CSNK1G3: variants seen among roughly 807,000 people sequenced by gnomAD.
The protein encoded by CSNK1G3 is casein kinase I isoform gamma-3.
Under a neutral mutation model 64.3 loss-of-function variants are expected in CSNK1G3, and 23 were observed. The observed-to-expected ratio is 0.36, with a 90% CI of 0.26 to 0.51. The LOEUF (loss-of-function observed/expected upper bound fraction) is 0.51. Among genes scored for constraint, CSNK1G3 ranks in the 20% least tolerant of loss-of-function variants. CSNK1G3 has a pLI of 0.96. For synonymous variants in CSNK1G3, 158 were observed against 162.2 expected, an observed-to-expected ratio of 0.97 and a Z score of 0.20; for missense variants, 357 against 510.5, an observed-to-expected ratio of 0.70 and a Z score of 2.90.
At chr5:123,616,513 G>C (rs955420561) in exon 13 of CSNK1G3, 6 of 152,524 alleles carry the variant, frequency 3.9e-5, no homozygotes, top group African/African-American at 1.4e-4. Context: ...CCAGTGTGTA[G>C]GCATTTGCTT....
chr5:123,577,541 C>T (rs1402209792), intron 6 of CSNK1G3, among the ~76,000 whole-genome samples: 1 of 142,020 alleles, frequency 7.0e-6, no homozygotes, highest in Non-Finnish European at 1.5e-5. Context: ...ATCCCTTTTC[C>T]ATATTTGTAT....
At chr5:123,513,728 T>C (rs563037183) in intron 1 of CSNK1G3, among the ~76,000 whole-genome samples, 12 of 152,366 alleles carry the variant, frequency 7.9e-5, no homozygotes, top group African/African-American at 2.6e-4. Context: ...AAGATGTTTC[T>C]TTTTAAAGAT....
At chr5:123,541,969 A>G (rs1171241398) in intron 1 of CSNK1G3, among the ~76,000 whole-genome samples, 1 of 151,266 alleles carries the variant, frequency 6.6e-6, no homozygotes, top group African/African-American at 2.4e-5. Context: ...AGCTATTCCT[A>G]TTGTAACTAA....
At chr5:123,557,950 C>T (rs541571360) in intron 4 of CSNK1G3, among the ~76,000 whole-genome samples, 1 of 152,176 alleles carries the variant, frequency 6.6e-6, no homozygotes, top group Non-Finnish European at 1.5e-5. Flanking sequence ...TACTGTATGA[C>T]AAAGACTTTG....
chr5:123,522,355 T>C (rs1487346191), intron 1 of CSNK1G3, among the ~76,000 whole-genome samples: 1 of 151,272 alleles, frequency 6.6e-6, no homozygotes, highest in Non-Finnish European at 1.5e-5. Context: ...ACAAAAAAAT[T>C]AGCGGGGCGT....
intron 5 of CSNK1G3, among the ~76,000 whole-genome samples, chr5:123,574,252 C>T (rs567877249): frequency 5.8e-4 from 88 of 152,128 alleles, no homozygotes; most frequent in African/African-American, 2.0e-3. Context: ...TCAGGGAATC[C>T]GTTGGATAAC....
chr5:123,590,412 G>C lies in CSNK1G3; in HGVS notation c.845-1G>C. 10 of 1,415,742 alleles carry C rather than the reference G, an allele frequency of 7.1e-6. No individual in the cohort carries two copies. The highest frequency in any genetic ancestry group is 9.4e-6 in the Non-Finnish European group (10 of 1,066,466). The allele number at this position is 1,415,742 out of a possible 1,614,324, so 87.7% of individuals were successfully genotyped here. On this transcript the variant is annotated splice_acceptor_variant, in intron 8 of 12. Transcript: ENST00000345990. LOFTEE classifies it high-confidence loss of function. Reference sequence around the variant, plus strand: ...AATAATTTTTATATTATTTCTAGAAGAAATGGCAACATATCTTCGTTATGT... The same window carrying C: ...AATAATTTTTATATTATTTCTAGAACAAATGGCAACATATCTTCGTTATGT...
chr5:123,540,981 C>T (rs1781585731), intron 1 of CSNK1G3, among the ~76,000 whole-genome samples: 1 of 152,030 alleles, frequency 6.6e-6, no homozygotes, highest in African/African-American at 2.4e-5. Context: ...ATTTTAGTGA[C>T]TTGAGATTTA....
chr5:123,590,973 G>A (rs568583466), intron 9 of CSNK1G3, among the ~76,000 whole-genome samples: 1 of 151,808 alleles, frequency 6.6e-6, no homozygotes, highest in South Asian at 2.1e-4. Context: ...TTTATTCTAT[G>A]TATACATTTG....
At chr5:123,612,519 C>A (rs1796517996) in intron 12 of CSNK1G3, among the ~76,000 whole-genome samples, 1 of 151,372 alleles carries the variant, frequency 6.6e-6, no homozygotes, top group Non-Finnish European at 1.5e-5. Context: ...ACTCTGTCGC[C>A]CAGGCTGGAG....
chr5:123,534,909 GTTGTTCAGCATAGTGCCA>G (rs1780545338), intron 1 of CSNK1G3, among the ~76,000 whole-genome samples: 1 of 152,102 alleles, frequency 6.6e-6, no homozygotes, highest in Non-Finnish European at 1.5e-5. Flanking sequence ...AGTGTGTTGT[GTTGTTCAGCATAGTGCCA>G]TTGTATAATA....
chr5:123,590,721 T>C (rs757086993), intron 9 of CSNK1G3, among the ~76,000 whole-genome samples, 163 bp downstream of exon 9: 2 of 152,022 alleles, frequency 1.3e-5, no homozygotes. Context: ...CTAGTGTTCT[T>C]TGAGTTTTTC....
intron 1 of CSNK1G3, among the ~76,000 whole-genome samples, chr5:123,514,643 A>G (rs1200239199): frequency 6.6e-6 from 1 of 151,828 alleles, no homozygotes; most frequent in Non-Finnish European, 1.5e-5. Context: ...GAAATTTTGA[A>G]TGGATGTAGA....
exon 13 of CSNK1G3, chr5:123,614,571 T>C (rs1360340319): frequency 1.2e-5 from 6 of 510,898 alleles, no homozygotes; most frequent in Admixed American, 3.9e-5. Flanking sequence ...TTTTTTTTTT[T>C]TTCTCTAATT....
chr5:123,605,354 G>T (rs1157982470), exon 12 of CSNK1G3: 2 of 1,607,312 alleles, frequency 1.2e-6, no homozygotes, highest in East Asian at 2.2e-5. Flanking sequence ...AGAAAGTGTT[G>T]AACATGTGGT....
intron 4 of CSNK1G3, among the ~76,000 whole-genome samples, chr5:123,563,076 A>G (rs2150508784): frequency 1.3e-5 from 2 of 152,182 alleles, no homozygotes; most frequent in East Asian, 3.9e-4. Flanking sequence ...CAATTAATGC[A>G]TTCCTTGGAA....
intron 1 of CSNK1G3, among the ~76,000 whole-genome samples, chr5:123,521,952 T>A (rs1778183645): frequency 6.6e-6 from 1 of 152,164 alleles, no homozygotes; most frequent in Non-Finnish European, 1.5e-5. Flanking sequence ...GGCATTGATA[T>A]ATTTTAGGAT....
chr5:123,573,627 A>G (rs1788541839), intron 5 of CSNK1G3, 86 bp downstream of exon 5: 2 of 1,240,428 alleles, frequency 1.6e-6, no homozygotes, highest in African/African-American at 1.5e-5. Context: ...AAGTTCTGTG[A>G]TATTGTCTTA....
chr5:123,553,813 G>C (rs529448409), intron 3 of CSNK1G3, among the ~76,000 whole-genome samples: 1 of 152,178 alleles, frequency 6.6e-6, no homozygotes, highest in East Asian at 1.9e-4. Context: ...TTGCAGCCAG[G>C]TTTCCCTGTT....
Sources: gnomAD v4.1 joint callset for allele counts (sites outside exome capture counted in the v4.1 genomes callset) on GRCh38, gnomAD v4.1.1 for gene constraint, MANE v1.5 for transcripts, NCBI Gene and HGNC (gene_info 2026-07-23, HGNC 2026-07-21) for gene names.